Variants in COPA observed in about 807,000 individuals in gnomAD.
The protein encoded by COPA is coatomer subunit alpha.
A neutral mutation model predicts 158.7 loss-of-function variants in COPA; 10 were observed. The observed-to-expected ratio is 0.06, with a 90% CI of 0.04 to 0.11. The LOEUF (loss-of-function observed/expected upper bound fraction) is 0.11. COPA is among the 10% of genes least tolerant of loss of function. The pLI is 1.00. For missense variants in COPA, 1,065 were observed against 1,536.7 expected (o/e 0.69, Z 5.13); for synonymous variants, 462 against 542.8 (o/e 0.85, Z 2.07).
chr1:160,312,860 C>T (rs373537466), intron 10 of COPA, among the ~76,000 whole-genome samples: 1 of 152,220 alleles, frequency 6.6e-6, no homozygotes, highest in Non-Finnish European at 1.5e-5. Context: ...CTGTCTCTAT[C>T]TGCCTTACCT....
At chr1:160,305,294 T>C in intron 17 of COPA, 139 bp downstream of exon 17, 2 of 727,374 alleles carry the variant, frequency 2.7e-6, no homozygotes, top group Non-Finnish European at 4.5e-6. Flanking sequence ...AAGAATGTTC[T>C]GATGCCCCTT....
chr1:160,337,108 T>C (rs746333196), intron 3 of COPA, among the ~76,000 whole-genome samples: 41 of 152,318 alleles, frequency 2.7e-4, no homozygotes, highest in Non-Finnish European at 5.3e-4. Flanking sequence ...CACTATTCTT[T>C]AACTGACTTT....
At chr1:160,312,117 A>G (rs1346191301) in intron 10 of COPA, 99 bp from the exon 11 acceptor site, 2 of 1,200,004 alleles carry the variant, frequency 1.7e-6, no homozygotes, top group Non-Finnish European at 2.3e-6. Flanking sequence ...TCTGTAAGAC[A>G]AGACACCTGA....
intron 23 of COPA, among the ~76,000 whole-genome samples, chr1:160,295,228 A>G (rs1658361142): frequency 6.6e-6 from 1 of 152,132 alleles, no homozygotes; most frequent in East Asian, 1.9e-4. Context: ...GGAGGTGGAG[A>G]AAAGAGTGGG....
In COPA at chr1:160,297,422, G is replaced by A. The variant is rs1658452337; in HGVS notation, c.2184C>T (p.Asp728=). Residue 728 remains aspartate, a synonymous_variant, in exon 21 of 33, where the codon GAC becomes GAT. Coordinates refer to ENST00000241704, the MANE Select transcript of COPA (RefSeq NM_004371.4). ...KMMKIAEIRK[D]MSGHYQNALY... The stretch of plus-strand genomic sequence containing the variant: ...GGGCATTCTGATAGTGGCCACTCAT[G>A]TCCTTTCTGATCTCAGCTGCACCAA... 1.2e-6 allele frequency: 2 copies of A among 1,614,122 alleles called. No homozygotes were observed. Among genetic ancestry groups the A allele is most frequent in the Non-Finnish European group, 1.7e-6 (2 of 1,180,020 alleles).
chr1:160,299,063 G>T, intron 18 of COPA, 39 bp downstream of exon 18: 1 of 1,606,556 alleles, frequency 6.2e-7, no homozygotes, highest in East Asian at 2.2e-5. Context: ...AAAGAGTGCT[G>T]CCTCTCTTAA....
rs1483195332 is a variant in COPA at position 160,323,495 on chromosome 1, G to A, written c.642C>T (p.His214=). ...HDRGVNWAAF[H]PTMPLIVSGA... Reference sequence around the variant, plus strand: ...CAGATACAATAAGGGGCATAGTGGGGTGGAAGGCAGCCCAGTTTACTCCAC... The same window carrying A: ...CAGATACAATAAGGGGCATAGTGGGATGGAAGGCAGCCCAGTTTACTCCAC... The change falls in exon 8 of 33, where the codon CAC becomes CAT. Residue 214 remains histidine, a synonymous_variant. Coordinates refer to ENST00000241704, the MANE Select transcript of COPA (RefSeq NM_004371.4). 2 of 1,610,994 alleles carry A rather than the reference G, an allele frequency of 1.2e-6. No individual in the cohort carries two copies. Among genetic ancestry groups the A allele is most frequent in the Non-Finnish European group, 1.7e-6 (2 of 1,178,186 alleles).
At chr1:160,315,026 A>T (rs977014805) in intron 8 of COPA, among the ~76,000 whole-genome samples, 1 of 152,184 alleles carries the variant, frequency 6.6e-6, no homozygotes, top group Non-Finnish European at 1.5e-5. Context: ...AGAAAACCCA[A>T]AACAAATATA....
At chr1:160,322,460 A>AC (rs756923641) in intron 8 of COPA, among the ~76,000 whole-genome samples, 19 of 152,344 alleles carry the variant, frequency 1.2e-4, no homozygotes, top group Middle Eastern at 3.4e-3. Flanking sequence ...TAAATCTAAG[A>AC]CCAGAAACTA....
rs769007832 is a variant in COPA, at chr1:160,290,125, A to G, written c.*32T>C. ...TAGACACATTCTCTGGGGGGAACAT[A>G]TGGTGACTGACCCATGCACACAAAG... is the stretch of plus-strand genomic sequence containing the variant. On this transcript the variant is annotated 3_prime_UTR_variant, in exon 33 of 33. Transcript: ENST00000241704. The G allele has an allele frequency of 1.2e-6, 2 of 1,607,962 alleles. No homozygotes were observed. Among genetic ancestry groups the G allele is most frequent in the African/African-American group, 2.7e-5 (2 of 74,790 alleles).
intron 3 of COPA, among the ~76,000 whole-genome samples, chr1:160,338,206 A>C (rs936548676): frequency 5.9e-5 from 9 of 152,232 alleles, no homozygotes; most frequent in Admixed American, 2.6e-4. Flanking sequence ...TCATCACTAT[A>C]AATAACAAAT....
chr1:160,339,945 T>G lies in COPA; in HGVS notation c.192A>C (p.Pro64=), dbSNP rs143827776. 3.1e-6 allele frequency: 5 copies of G among 1,614,172 alleles called. No individual in the cohort carries two copies. Among genetic ancestry groups the G allele is most frequent in the Non-Finnish European group, 4.2e-6 (5 of 1,179,992 alleles). ...VRGIDFHKQQ[P]LFVSGGDDYK... Reference sequence around the variant, plus strand: ...AGTCATCTCCTCCAGAGACGAACAGTGGCTGCTGCTTATGGAAGTCAATGC... The same window carrying G: ...AGTCATCTCCTCCAGAGACGAACAGGGGCTGCTGCTTATGGAAGTCAATGC... Residue 64 remains proline, a synonymous_variant, in exon 3 of 33, where the codon CCA becomes CCC. Transcript: ENST00000241704.
chr1:160,290,153 G>A lies in COPA; in HGVS notation c.*4C>T. The A allele has an allele frequency of 1.2e-6, 2 of 1,613,948 alleles. No homozygotes were observed. The highest frequency in any genetic ancestry group is 8.5e-7 in the Non-Finnish European group (1 of 1,179,938). ...GTGACTGACCCATGCACACAAAGGG[G>A]GCCTTAGCGAAACTGCAGAGGACTG... On this transcript the variant is annotated 3_prime_UTR_variant, in exon 33 of 33. Coordinates refer to ENST00000241704, the MANE Select transcript of COPA (RefSeq NM_004371.4).
intron 12 of COPA, among the ~76,000 whole-genome samples, chr1:160,309,546 T>C (rs1282243763): frequency 6.7e-6 from 1 of 150,162 alleles, no homozygotes; most frequent in Non-Finnish European, 1.5e-5. Flanking sequence ...AAAAAAGACA[T>C]CAAAGAAAAG....
chr1:160,290,362 C>G, intron 32 of COPA, 130 bp downstream of exon 32: 2 of 1,365,718 alleles, frequency 1.5e-6, no homozygotes, highest in Non-Finnish European at 2.0e-6. Context: ...GGGAGATGCT[C>G]TAGCTTTCTC....
At chr1:160,313,025 A>C (rs1284462380) in intron 10 of COPA, 60 bp downstream of exon 10, 5 of 1,439,466 alleles carry the variant, frequency 3.5e-6, no homozygotes, top group Non-Finnish European at 4.8e-6. Flanking sequence ...GCTAATAATC[A>C]CTTTCAAGAC....
At chr1:160,324,442 CA>C (rs2101861628) in intron 7 of COPA, among the ~76,000 whole-genome samples, 2 of 148,732 alleles carry the variant, frequency 1.3e-5, no homozygotes, top group Non-Finnish European at 3.0e-5. Context: ...AAGTGAGCAC[CA>C]CCACGCCCAG....
At chr1:160,317,760 A>G (rs1383139424) in intron 8 of COPA, 1 of 1,173,388 alleles carries the variant, frequency 8.5e-7, no homozygotes, top group Non-Finnish European at 1.3e-6. Flanking sequence ...TTTTAAAAAT[A>G]GTTCTTTTGT....
intron 17 of COPA, among the ~76,000 whole-genome samples, chr1:160,301,165 T>TA (rs768675677): frequency 2.7e-4 from 41 of 150,846 alleles, no homozygotes; most frequent in Admixed American, 7.9e-4. Context: ...AAATAAAAAA[T>TA]AAAAAAAAAT....
Sources: allele counts gnomAD v4.1 joint callset (sites outside exome capture counted in the v4.1 genomes callset), GRCh38; gene constraint gnomAD v4.1.1; transcripts MANE v1.5; gene names NCBI Gene and HGNC (gene_info 2026-07-23, HGNC 2026-07-21).